Variants in CHRM3 observed in about 807,000 individuals in gnomAD.
The protein encoded by CHRM3 is muscarinic acetylcholine receptor M3.
In CHRM3, 11 loss-of-function variants were observed where a neutral mutation model predicts 41.8. That is an observed-to-expected ratio of 0.26 (90% CI 0.17 to 0.44). CHRM3 has a LOEUF of 0.44. Among genes scored for constraint, CHRM3 ranks in the 20% least tolerant of loss-of-function variants. The pLI is 1.00. For missense variants in CHRM3, 571 were observed against 745.4 expected, an observed-to-expected ratio of 0.77 and a Z score of 2.72; for synonymous variants, 297 against 301.4, an observed-to-expected ratio of 0.99 and a Z score of 0.15.
chr1:239,623,593 AC>A (rs1668684498), intron 3 of CHRM3, among the ~76,000 whole-genome samples: 1 of 79,354 alleles, frequency 1.3e-5, no homozygotes, highest in Non-Finnish European at 2.4e-5. Context: ...GGTGCGCTGC[AC>A]CCACTAACGT....
In CHRM3 at chr1:239,911,918, A is replaced by C. The variant is rs950034256; in HGVS notation, c.*2694A>C. The C allele has an allele frequency of 1.2e-5, 2 of 167,086 alleles. No individual in the cohort carries two copies. The highest frequency in any genetic ancestry group is 2.9e-5 in the Non-Finnish European group (2 of 68,136). 10.4% of individuals were successfully genotyped at this position (167,086 alleles called of 1,614,324 possible). On this transcript the variant is annotated 3_prime_UTR_variant, in exon 7 of 7. Transcript: ENST00000676153. ...ATTGAAGATGTAGTGAGTATTTATAATTGGACCTTAGTTACACGTGCATTT... is the reference window on the plus strand; with the variant it reads ...ATTGAAGATGTAGTGAGTATTTATACTTGGACCTTAGTTACACGTGCATTT...
At chr1:239,662,884 T>TTCCTCC (rs879733766) in intron 4 of CHRM3, among the ~76,000 whole-genome samples, 165 of 119,574 alleles carry the variant, frequency 1.4e-3, no homozygotes, top group Middle Eastern at 8.1e-3. Context: ...CTTTCTCCTC[T>TTCCTCC]TCCTCCTCCT....
At chr1:239,809,281 A>G (rs1157403679) in intron 5 of CHRM3, among the ~76,000 whole-genome samples, 1 of 151,864 alleles carries the variant, frequency 6.6e-6, no homozygotes, top group East Asian at 1.9e-4. Flanking sequence ...CGGCCTCCCA[A>G]AGTGCTGGGA....
rs1004172467 is a variant in CHRM3, at chr1:239,516,573, C to T, written c.-422+23766C>T. ...TCTACTAGCTGTATGAGATAGCAGG[C>T]GTTCACAGCCTCTTGAAGCTTCAGT... is the stretch of plus-strand genomic sequence containing the variant. On this transcript the variant is annotated intron_variant, in intron 2 of 6. Transcript: ENST00000676153. 3.3e-5 allele frequency among the ~76,000 whole-genome samples: 5 copies of T among 152,228 alleles called. 1 individual carries two copies. Among genetic ancestry groups the T allele is most frequent in the African/African-American group, 9.6e-5 (4 of 41,532 alleles).
At chr1:239,542,120 A>G (rs1307570436) in intron 2 of CHRM3, among the ~76,000 whole-genome samples, 3 of 152,182 alleles carry the variant, frequency 2.0e-5, no homozygotes, top group Admixed American at 2.0e-4. Context: ...TCATCTTGAT[A>G]TTATACTATA....
intron 5 of CHRM3, among the ~76,000 whole-genome samples, chr1:239,740,145 T>C (rs569824982): frequency 1.3e-5 from 2 of 152,066 alleles, no homozygotes; most frequent in African/African-American, 4.8e-5. Context: ...CATACAACCT[T>C]CCACTTCCTG....
chr1:239,405,005 C>A (rs530132580), intron 1 of CHRM3, among the ~76,000 whole-genome samples: 1 of 151,834 alleles, frequency 6.6e-6, no homozygotes, highest in African/African-American at 2.4e-5. Context: ...TAGTCTAGAA[C>A]TGCTGTCTAA....
intron 3 of CHRM3, among the ~76,000 whole-genome samples, chr1:239,586,666 G>C (rs181987009): frequency 2.2e-4 from 34 of 152,070 alleles, no homozygotes; most frequent in African/African-American, 8.0e-4. Flanking sequence ...CAGATATGTT[G>C]CATGCTTTCT....
rs79549277 is a variant in CHRM3, at chr1:239,870,363, C to A, written c.-19-37070C>A. 3.2e-3 allele frequency among the ~76,000 whole-genome samples: 493 copies of A among 152,254 alleles called. 10 individuals are homozygous for A. The East Asian group carries it at 0.058, about 18-fold the overall frequency. On this transcript the variant is annotated intron_variant, in intron 6 of 6. Transcript: ENST00000676153. ...TTCCAGGCAGCGAGGACAGATGAAA[C>A]CTTGTCTGTTAGTTTCCTGTGCAGG...
chr1:239,447,671 G>A (rs1195489646), intron 1 of CHRM3, among the ~76,000 whole-genome samples: 1 of 152,154 alleles, frequency 6.6e-6, no homozygotes, highest in Non-Finnish European at 1.5e-5. Context: ...AGCTACTCTG[G>A]AATCTGAGGC....
intron 5 of CHRM3, among the ~76,000 whole-genome samples, chr1:239,801,355 C>T (rs950013469): frequency 5.3e-5 from 8 of 152,188 alleles, no homozygotes; most frequent in African/African-American, 1.4e-4. Context: ...ACCACTGTCT[C>T]TCTCCTGTCC....
intron 3 of CHRM3, among the ~76,000 whole-genome samples, chr1:239,618,895 C>G (rs927406054): frequency 2.2e-5 from 3 of 135,288 alleles, no homozygotes; most frequent in African/African-American, 8.6e-5. Context: ...TATTTCCTCT[C>G]TCTTTTTTAT....
At chr1:239,902,775 T>A (rs533807876) in intron 6 of CHRM3, among the ~76,000 whole-genome samples, 1 of 152,340 alleles carries the variant, frequency 6.6e-6, no homozygotes, top group South Asian at 2.1e-4. Context: ...TATTAACTCG[T>A]TAACTTATTA....
At chr1:239,713,257 C>T (rs893893144) in intron 5 of CHRM3, among the ~76,000 whole-genome samples, 4 of 152,222 alleles carry the variant, frequency 2.6e-5, no homozygotes, top group Admixed American at 6.5e-5. Context: ...ATCTACACAC[C>T]CTTAACCAAG....
At chr1:239,544,747 C>T (rs1282495675) in intron 2 of CHRM3, among the ~76,000 whole-genome samples, 1 of 152,128 alleles carries the variant, frequency 6.6e-6, no homozygotes, top group African/African-American at 2.4e-5. Context: ...CATACAAAGA[C>T]GAGTAGAATA....
intron 4 of CHRM3, among the ~76,000 whole-genome samples, chr1:239,644,319 G>A (rs1671533567): frequency 6.6e-6 from 1 of 152,152 alleles, no homozygotes; most frequent in African/African-American, 2.4e-5. Context: ...GAAGGCCCTA[G>A]GTCTACACCC....
intron 2 of CHRM3, among the ~76,000 whole-genome samples, chr1:239,516,332 C>T (rs1669269256): frequency 6.6e-6 from 1 of 152,144 alleles, no homozygotes; most frequent in African/African-American, 2.4e-5. Context: ...AAGCTCTGAC[C>T]TTCCGCTTCT....
intron 6 of CHRM3, among the ~76,000 whole-genome samples, chr1:239,838,656 T>C (rs1673530350): frequency 6.6e-6 from 1 of 152,176 alleles, no homozygotes; most frequent in South Asian, 2.1e-4. Flanking sequence ...CAAAGCTGGT[T>C]AGTGATAAAG....
intron 5 of CHRM3, among the ~76,000 whole-genome samples, chr1:239,809,795 G>A (rs1289854869): frequency 1.3e-5 from 2 of 152,154 alleles, no homozygotes; most frequent in Non-Finnish European, 2.9e-5. Context: ...CACCATGCCT[G>A]GCCTACTGTA....
Sources: allele counts gnomAD v4.1 joint callset (sites outside exome capture counted in the v4.1 genomes callset), GRCh38; gene constraint gnomAD v4.1.1; transcripts MANE v1.5; gene names NCBI Gene and HGNC (gene_info 2026-07-23, HGNC 2026-07-21).